Variants in RYR2 observed in about 807,000 individuals in gnomAD.
RYR2 encodes the protein ryanodine receptor 2.
RYR2 carries 227 observed loss-of-function variants against 601.1 expected under a neutral mutation model. The observed-to-expected ratio is 0.38, with a 90% CI of 0.34 to 0.42. The LOEUF is 0.42. Ranked by LOEUF, RYR2 falls within the 10% of genes least tolerant of loss-of-function variation. The pLI is 1.00. For missense variants in RYR2, 4,646 were observed against 6,156.5 expected, an observed-to-expected ratio of 0.75 and a Z score of 8.21; for synonymous variants, 2,223 against 2,175.1, an observed-to-expected ratio of 1.02 and a Z score of -0.61.
At chr1:237,169,447 C>T (rs751705354) in intron 1 of RYR2, among the ~76,000 whole-genome samples, 10 of 152,088 alleles carry the variant, frequency 6.6e-5, no homozygotes, top group Non-Finnish European at 8.8e-5. Context: ...TACAGGTACA[C>T]GCCACCATGC....
chr1:237,593,252 T>C (rs1352904360), intron 32 of RYR2, among the ~76,000 whole-genome samples: 1 of 152,200 alleles, frequency 6.6e-6, no homozygotes. Flanking sequence ...CTTTTCTCTC[T>C]TTCCTGTTAT....
chr1:237,756,381 A>G lies in RYR2; in HGVS notation c.11239A>G (p.Ser3747Gly). Residue 3747 changes from serine (S) to glycine (G), a missense_variant, in exon 81 of 105, where the codon AGC becomes GGC. Transcript: ENST00000366574. The part of the protein sequence containing the change: ...AEMVLQTISA[S>G]KGETGPMVAA... ...GATGGTGCTACAGACAATCAGTGCCAGCAAAGGTAAGGTTCCTTGAGTTCC... is the reference window on the plus strand; with the variant it reads ...GATGGTGCTACAGACAATCAGTGCCGGCAAAGGTAAGGTTCCTTGAGTTCC... 6.2e-7 allele frequency: 1 copy of G among 1,609,018 alleles called. No individual in the cohort carries two copies. The highest frequency in any genetic ancestry group is 8.5e-7 in the Non-Finnish European group (1 of 1,176,182).
chr1:237,481,830 A>C (rs1662138554), intron 17 of RYR2, among the ~76,000 whole-genome samples: 2 of 148,074 alleles, frequency 1.4e-5, no homozygotes, highest in African/African-American at 2.6e-5. Context: ...AAAAAAAAAA[A>C]AAAAACCACC....
At chr1:237,216,358 C>T (rs544543413) in intron 1 of RYR2, among the ~76,000 whole-genome samples, 1 of 152,226 alleles carries the variant, frequency 6.6e-6, no homozygotes, top group African/African-American at 2.4e-5. Context: ...TAAAAAATCA[C>T]TAGGCTATCA....
intron 1 of RYR2, among the ~76,000 whole-genome samples, chr1:237,246,033 G>GCCT (rs1293592706): frequency 6.6e-6 from 1 of 151,820 alleles, no homozygotes; most frequent in East Asian, 1.9e-4. Flanking sequence ...GCCCGCCTTG[G>GCCT]CCTCCCAAAG....
intron 10 of RYR2, among the ~76,000 whole-genome samples, chr1:237,393,608 G>A (rs1572118699): frequency 1.3e-5 from 2 of 152,170 alleles, no homozygotes; most frequent in East Asian, 3.8e-4. Context: ...ACCTATGAGG[G>A]TTTTTCTTCT....
At chr1:237,371,726 G>A (rs1456394709) in intron 6 of RYR2, among the ~76,000 whole-genome samples, 1 of 152,138 alleles carries the variant, frequency 6.6e-6, no homozygotes, top group Non-Finnish European at 1.5e-5. Context: ...CATGAAAAAG[G>A]ATGAGTTTAT....
intron 1 of RYR2, among the ~76,000 whole-genome samples, chr1:237,205,770 G>A (rs1572196964): frequency 1.3e-5 from 2 of 152,354 alleles, no homozygotes; most frequent in East Asian, 3.9e-4. Context: ...TGGAGACGGA[G>A]GTCCTGCAGC....
intron 3 of RYR2, chr1:237,352,838 T>G (rs944543429): frequency 3.9e-6 from 2 of 513,654 alleles, no homozygotes; most frequent in Admixed American, 3.9e-5. Context: ...ATTTATTTTT[T>G]AATAAATGGT....
chr1:237,059,496 G>A (rs913115993), intron 1 of RYR2, among the ~76,000 whole-genome samples: 2 of 152,122 alleles, frequency 1.3e-5, no homozygotes, highest in African/African-American at 4.8e-5. Context: ...GATAAATGGA[G>A]TCTATTTTTA....
At chr1:237,425,254 A>G (rs1253191589) in intron 12 of RYR2, among the ~76,000 whole-genome samples, 1 of 152,036 alleles carries the variant, frequency 6.6e-6, no homozygotes, top group African/African-American at 2.4e-5. Context: ...CTTCCTAATC[A>G]TTTTTCTTTT....
chr1:237,545,186 A>G (rs1049237414), intron 25 of RYR2, among the ~76,000 whole-genome samples: 1 of 152,252 alleles, frequency 6.6e-6, no homozygotes, highest in Non-Finnish European at 1.5e-5. Flanking sequence ...GATTAAAGCA[A>G]TTCTAGAAGA....
chr1:237,096,515 C>T (rs1667522279), intron 1 of RYR2, among the ~76,000 whole-genome samples: 1 of 152,142 alleles, frequency 6.6e-6, no homozygotes, highest in Non-Finnish European at 1.5e-5. Flanking sequence ...TTCTAATTTT[C>T]CTAAGTGGCT....
At chr1:237,134,363 G>A (rs1032973181) in intron 1 of RYR2, among the ~76,000 whole-genome samples, 15 of 152,178 alleles carry the variant, frequency 9.9e-5, no homozygotes, top group Admixed American at 9.8e-4. Flanking sequence ...AAGGAAAGAG[G>A]TTTAACTGAC....
At chr1:237,476,354 C>T (rs1661395267) in intron 17 of RYR2, among the ~76,000 whole-genome samples, 1 of 151,658 alleles carries the variant, frequency 6.6e-6, no homozygotes, top group Non-Finnish European at 1.5e-5. Context: ...TACTAAAATA[C>T]AAAAAATTAG....
chr1:237,147,288 G>A (rs370972307), intron 1 of RYR2, among the ~76,000 whole-genome samples: 3 of 152,092 alleles, frequency 2.0e-5, no homozygotes, highest in Admixed American at 6.6e-5. Context: ...TGAGAACTTT[G>A]TTAGTCTTGC....
chr1:237,623,687 C>T (rs947468360), intron 38 of RYR2, 78 bp from the exon 39 acceptor site: 25 of 894,486 alleles, frequency 2.8e-5, no homozygotes, highest in Admixed American at 4.0e-5. Context: ...CCACTCCGCC[C>T]GGCCCTGCTG....
intron 1 of RYR2, among the ~76,000 whole-genome samples, chr1:237,254,111 G>A (rs1355656825): frequency 2.6e-5 from 4 of 152,132 alleles, no homozygotes; most frequent in Admixed American, 2.6e-4. Flanking sequence ...TTACTTCTGT[G>A]AATAATGCTA....
At chr1:237,365,652 A>G (rs1700129284) in intron 5 of RYR2, among the ~76,000 whole-genome samples, 1 of 152,220 alleles carries the variant, frequency 6.6e-6, no homozygotes, top group South Asian at 2.1e-4. Context: ...CTTTGCAAAT[A>G]CTGATAACTT....
Sources: gnomAD v4.1 joint callset for allele counts (sites outside exome capture counted in the v4.1 genomes callset) on GRCh38, gnomAD v4.1.1 for gene constraint, MANE v1.5 for transcripts, NCBI Gene and HGNC (gene_info 2026-07-23, HGNC 2026-07-21) for gene names.